ZNF236: variants seen among roughly 807,000 people sequenced by gnomAD.
ZNF236 encodes the protein regulated by glucose.
In ZNF236, 50 loss-of-function variants were observed where a neutral mutation model predicts 191.2. The observed-to-expected ratio is 0.26, with a 90% CI of 0.21 to 0.33. The LOEUF is 0.33. Among genes scored for constraint, ZNF236 ranks in the 10% least tolerant of loss-of-function variants. The pLI is 1.00. For synonymous variants in ZNF236, 907 were observed against 928.8 expected (o/e 0.98, Z 0.43); for missense variants, 1,754 against 2,374.5 (o/e 0.74, Z 5.43).
rs1166052222 is a variant in ZNF236, at chr18:76,960,817, A to G, written c.5381A>G (p.Asn1794Ser). The G allele has an allele frequency of 1.9e-6, 3 of 1,613,872 alleles. No homozygotes were observed. Among genetic ancestry groups the G allele is most frequent in the African/African-American group, 2.7e-5 (2 of 74,930 alleles). ...GTCATGGGCTTCACGCAGAAGAGCA[A>G]CATGAAGCTGCACATGAAGCGGGCG... ...YCVMGFTQKS[N>S]MKLHMKRAHS... Residue 1794 changes from asparagine to serine, a missense_variant, in exon 30 of 31, where the codon AAC (asparagine) becomes AGC (serine). Asn to Ser is a conservative substitution (Grantham distance 46, BLOSUM62 1). Around this residue, in one of 5 missense-constraint regions of ZNF236, gnomAD observed 606 missense variants for 761.5 expected, o/e 0.80. Coordinates refer to ENST00000320610, the MANE Select transcript of ZNF236 (RefSeq NM_001306089.2). This position sits in a 1 kb window ranked among gnomAD's most constrained non-coding sequence, Gnocchi z 4.4.
intron 7 of ZNF236, among the ~76,000 whole-genome samples, chr18:76,878,745 T>G (rs924325907): frequency 6.6e-6 from 1 of 152,196 alleles, no homozygotes; most frequent in African/African-American, 2.4e-5. Context: ...TGGTAAAATT[T>G]AAGCATCAAC....
chr18:76,855,184 A>AGAGT (rs1976007699), intron 3 of ZNF236, among the ~76,000 whole-genome samples: 1 of 152,342 alleles, frequency 6.6e-6, no homozygotes, highest in Admixed American at 6.5e-5. Flanking sequence ...TCAGCCTCCC[A>AGAGT]GAGTGCTGGG....
rs888498440 is a variant in ZNF236 at position 76,960,953 on chromosome 18, G to A, written c.5419+98G>A. On this transcript the variant is annotated intron_variant, in intron 30 of 30. Transcript: ENST00000320610. The surrounding 1 kb of genome is among the most constrained non-coding windows in gnomAD (Gnocchi z 4.4). ...TTCCTTTAGTTCACACAGTGATTTT[G>A]CATTGCACGTGGTACAGCCTCAGTT... 2 of 1,329,614 alleles carry A rather than the reference G, an allele frequency of 1.5e-6. No homozygotes were observed. Among genetic ancestry groups the A allele is most frequent in the Non-Finnish European group, 2.0e-6 (2 of 990,280 alleles). The allele number at this position is 1,329,614 out of a possible 1,614,324, so 82.4% of individuals were successfully genotyped here.
At chr18:76,893,694 CAA>C (rs1977315118) in intron 9 of ZNF236, among the ~76,000 whole-genome samples, 1 of 152,128 alleles carries the variant, frequency 6.6e-6, no homozygotes, top group South Asian at 2.1e-4. Flanking sequence ...AATTTTTTCT[CAA>C]GAGATGGAAT....
At chr18:76,935,957 T>C (rs907684800) in intron 25 of ZNF236, 6 of 456,674 alleles carry the variant, frequency 1.3e-5, no homozygotes, top group Non-Finnish European at 2.2e-5. Context: ...CCCAGCCTGC[T>C]AATGGTTCTA....
chr18:76,859,589 C>G (rs1369294114), intron 3 of ZNF236, among the ~76,000 whole-genome samples: 1 of 152,162 alleles, frequency 6.6e-6, no homozygotes, highest in East Asian at 1.9e-4. Flanking sequence ...CGTGGTTCTT[C>G]ACTTCATCTT....
intron 28 of ZNF236, among the ~76,000 whole-genome samples, chr18:76,957,219 G>T (rs1968545975): frequency 6.6e-6 from 1 of 152,206 alleles, no homozygotes; most frequent in Admixed American, 6.5e-5. Flanking sequence ...TAGAAGAAGG[G>T]AGAGTCCTAC....
intron 9 of ZNF236, among the ~76,000 whole-genome samples, chr18:76,894,367 G>C (rs975048489): frequency 6.6e-6 from 1 of 152,182 alleles, no homozygotes; most frequent in Non-Finnish European, 1.5e-5. Context: ...TTCTCAGATG[G>C]AACCACTCGG....
At chr18:76,931,076 T>C (rs1967833187) in intron 25 of ZNF236, 1 of 152,180 alleles carries the variant, frequency 6.6e-6, no homozygotes, top group African/African-American at 2.4e-5. Context: ...GGTCAAGAAC[T>C]TATTCAACAC....
chr18:76,837,091 G>A (rs989146880), intron 1 of ZNF236, among the ~76,000 whole-genome samples: 1 of 144,988 alleles, frequency 6.9e-6, no homozygotes, highest in Non-Finnish European at 1.5e-5. Flanking sequence ...GGCCAGGCTG[G>A]TCTTGAACTC....
intron 6 of ZNF236, among the ~76,000 whole-genome samples, chr18:76,877,694 CT>C (rs893034406): frequency 1.3e-5 from 2 of 152,192 alleles, no homozygotes; most frequent in Admixed American, 6.5e-5. Context: ...GTTTAAAAAA[CT>C]GAGAATATCT....
Position 76,969,368 on chromosome 18 carries a change from A to G in ZNF236, c.*1029A>G, listed in dbSNP as rs2122994528. 6.5e-6 allele frequency: 1 copy of G among 152,808 alleles called. No individual in the cohort carries two copies. Among genetic ancestry groups the G allele is most frequent in the African/African-American group, 2.4e-5 (1 of 41,584 alleles). 9.5% of individuals were successfully genotyped at this position (152,808 alleles called of 1,614,324 possible). On this transcript the variant is annotated 3_prime_UTR_variant, in exon 31 of 31. Transcript: ENST00000320610. ...TGCACGCCATTCCTACAGCATTCCA[A>G]AGATGGAAGGTTCTTTACTTCATGT...
chr18:76,967,946 A>T lies in ZNF236; in HGVS notation c.5420-269A>T, dbSNP rs114626060. Among the ~76,000 whole-genome samples, 306 of 152,218 alleles carry T rather than the reference A, an allele frequency of 2.0e-3. 2 individuals are homozygous for T. Among genetic ancestry groups the T allele is most frequent in the African/African-American group, 6.9e-3 (286 of 41,512 alleles). On this transcript the variant is annotated intron_variant, in intron 30 of 30. Coordinates refer to ENST00000320610, the MANE Select transcript of ZNF236 (RefSeq NM_001306089.2). ...AAATCATGTGTGTTGGTTATTGCTC[A>T]TTCCTGATGCTGTGTTAATGTAGCT...
rs183013594 is a variant in ZNF236, at chr18:76,823,625, G to T, written c.55+963G>T. ...AAAGTCATGAAATAACTCAGATTTT[G>T]TTTTCCAAGGAAGGAGAAAGGCCCA... On this transcript the variant is annotated intron_variant, in intron 1 of 30. Transcript: ENST00000320610. 3.3e-4 allele frequency among the ~76,000 whole-genome samples: 51 copies of T among 152,322 alleles called. 1 individual carries two copies. The East Asian group carries it at 8.9e-3, about 27-fold the overall frequency.
chr18:76,881,078 T>G (rs1368674448), intron 8 of ZNF236, among the ~76,000 whole-genome samples: 3 of 152,234 alleles, frequency 2.0e-5, no homozygotes, highest in African/African-American at 7.2e-5. Context: ...TATATTATTT[T>G]GGGTGGGAGC....
intron 1 of ZNF236, among the ~76,000 whole-genome samples, chr18:76,832,440 G>C (rs1291773885): frequency 6.6e-6 from 1 of 150,852 alleles, no homozygotes; most frequent in East Asian, 1.9e-4. Context: ...GGAAAGGTCA[G>C]GATTTTTTTT....
chr18:76,894,076 T>C (rs545473536), intron 9 of ZNF236, among the ~76,000 whole-genome samples: 2 of 152,344 alleles, frequency 1.3e-5, no homozygotes, highest in South Asian at 4.1e-4. Context: ...ATGTGAGTTA[T>C]CTATATAGTC....
At chr18:76,965,739 A>C (rs1031212534) in intron 30 of ZNF236, among the ~76,000 whole-genome samples, 1 of 152,218 alleles carries the variant, frequency 6.6e-6, no homozygotes, top group Non-Finnish European at 1.5e-5. Context: ...GATGTGAACC[A>C]TTCATGGTCT....
At chr18:76,949,336 A>G (rs2122925292) in intron 27 of ZNF236, among the ~76,000 whole-genome samples, 1 of 152,346 alleles carries the variant, frequency 6.6e-6, no homozygotes, top group East Asian at 1.9e-4. Context: ...TTAGTTTGAA[A>G]TGTCTCCACT....
Sources: gnomAD v4.1 joint callset for allele counts (sites outside exome capture counted in the v4.1 genomes callset) on GRCh38, gnomAD v4.1.1 for gene constraint, gnomAD v4.1.1 regional missense constraint, Gnocchi (gnomAD v3.1) non-coding constraint, MANE v1.5 for transcripts, NCBI Gene and HGNC (gene_info 2026-07-23, HGNC 2026-07-21) for gene names.